Variants in SUGT1 observed in about 807,000 individuals in gnomAD.
The protein encoded by SUGT1 is protein SGT1 homolog.
Under a neutral mutation model 56.1 loss-of-function variants are expected in SUGT1, and 15 were observed. That is an observed-to-expected ratio of 0.27 (90% CI 0.18 to 0.41). The LOEUF (loss-of-function observed/expected upper bound fraction) is 0.41. SUGT1 is among the 10% of genes least tolerant of loss of function. The pLI, the probability that SUGT1 is intolerant of heterozygous loss-of-function variation, is 1.00. For missense variants in SUGT1, 347 were observed against 382.2 expected, an observed-to-expected ratio of 0.91 and a Z score of 0.77; for synonymous variants, 123 against 128.6, an observed-to-expected ratio of 0.96 and a Z score of 0.30.
rs527986344 is a variant in SUGT1, at chr13:52,674,200, T to C, written c.628-2030T>C. ...CCGAGTAGCTGAGACTACAGTCACA[T>C]GCCACTATGCCTGGCTATTTTTTGT... On this transcript the variant is annotated intron_variant, in intron 10 of 12. Transcript: ENST00000310528. Among the ~76,000 whole-genome samples the C allele has an allele frequency of 2.6e-5, 4 of 152,064 alleles. No homozygotes were observed. In the South Asian group the frequency reaches 8.3e-4, roughly 32 times the overall value.
chr13:52,682,357 C>T (rs1425595761), intron 12 of SUGT1, among the ~76,000 whole-genome samples: 1 of 127,104 alleles, frequency 7.9e-6, no homozygotes, highest in East Asian at 2.4e-4. Flanking sequence ...TGCTGCCATG[C>T]CTGGCTAATT....
intron 8 of SUGT1, 27 bp downstream of exon 8, chr13:52,664,084 T>C (rs1962577129): frequency 9.3e-6 from 15 of 1,607,554 alleles, no homozygotes; most frequent in Admixed American, 1.7e-5. Context: ...CATAAAACAA[T>C]GCATGATAAA....
intron 4 of SUGT1, 103 bp downstream of exon 4, chr13:52,658,571 A>G (rs1962273651): frequency 9.4e-7 from 1 of 1,061,476 alleles, no homozygotes; most frequent in Non-Finnish European, 1.3e-6. Flanking sequence ...AAAATTCTGT[A>G]TTTATACATT....
At chr13:52,682,675 G>C (rs866638407) in intron 12 of SUGT1, among the ~76,000 whole-genome samples, 5 of 152,254 alleles carry the variant, frequency 3.3e-5, no homozygotes, top group African/African-American at 9.6e-5. Flanking sequence ...ATTTGTGTGA[G>C]TCTATTTCTA....
chr13:52,685,618 A>G (rs1380126501), intron 12 of SUGT1, among the ~76,000 whole-genome samples: 1 of 152,192 alleles, frequency 6.6e-6, no homozygotes, highest in African/African-American at 2.4e-5. Context: ...TCATTTTCAT[A>G]TAGAAACTTT....
At chr13:52,669,878 T>C (rs945566552) in intron 10 of SUGT1, among the ~76,000 whole-genome samples, 6 of 152,222 alleles carry the variant, frequency 3.9e-5, no homozygotes, top group Admixed American at 3.3e-4. Context: ...ATTAAAATAC[T>C]GAAAATAAAA....
At chr13:52,685,593 A>G (rs562535325) in intron 12 of SUGT1, among the ~76,000 whole-genome samples, 6 of 152,338 alleles carry the variant, frequency 3.9e-5, no homozygotes, top group Non-Finnish European at 5.9e-5. Context: ...CAAAGATCAA[A>G]GATAGAATCT....
At chr13:52,664,708 A>G (rs9526966) in intron 8 of SUGT1, among the ~76,000 whole-genome samples, 5,451 of 152,252 alleles carry the variant, frequency 0.036, 128 homozygotes, top group South Asian at 0.064. Context: ...CCATCTATTC[A>G]TGGTAGTTGT....
chr13:52,690,221 T>TAAAC lies in SUGT1; in HGVS notation c.*2389_*2390insCAAA, dbSNP rs1306509740. 2.0e-5 allele frequency: 3 copies of TAAAC among 152,228 alleles called. No individual in the cohort carries two copies. The highest frequency in any genetic ancestry group is 7.2e-5 in the African/African-American group (3 of 41,466). 9.4% of individuals were successfully genotyped at this position (152,228 alleles called of 1,614,324 possible). On this transcript the variant is annotated 3_prime_UTR_variant, in exon 13 of 13. Transcript: ENST00000310528. ...AGATTGCTGCCTAAGAATCCCACTC[T>TAAAC]AAAGTACTGCTTTGTTTAATCATTC...
chr13:52,659,226 T>C lies in SUGT1; in HGVS notation c.305T>C (p.Phe102Ser). 2 of 1,485,618 alleles carry C rather than the reference T, an allele frequency of 1.3e-6. No individual in the cohort carries two copies. Among genetic ancestry groups the C allele is most frequent in the Non-Finnish European group, 1.8e-6 (2 of 1,124,558 alleles). The allele number at this position is 1,485,618 out of a possible 1,614,324, so 92.0% of individuals were successfully genotyped here. Residue 102 changes from phenylalanine to serine, a missense_variant, in exon 5 of 13, where the codon TTT becomes TCT. Transcript: ENST00000310528. ...EKNYAAALETFTEGQKLDSAD... is the reference protein window; with the variant it reads ...EKNYAAALETSTEGQKLDSAD... ...AACTATGCTGCTGCCCTAGAAACTT[T>C]TACAGAAGGACAAAAATTAGATAGT...
chr13:52,668,807 G>A (rs1962818670), intron 10 of SUGT1, among the ~76,000 whole-genome samples: 3 of 150,542 alleles, frequency 2.0e-5, no homozygotes, highest in Admixed American at 6.6e-5. Flanking sequence ...CTCCAGCCTG[G>A]GCAACAGAGT....
At chr13:52,653,597 A>T (rs987581815) in intron 2 of SUGT1, among the ~76,000 whole-genome samples, 1 of 151,616 alleles carries the variant, frequency 6.6e-6, no homozygotes, top group East Asian at 1.9e-4. Flanking sequence ...ATTCATCAAA[A>T]TTTTTTTTTG....
At chr13:52,661,589 G>A (rs911664973) in intron 5 of SUGT1, 8 of 414,510 alleles carry the variant, frequency 1.9e-5, no homozygotes, top group African/African-American at 1.3e-4. Context: ...CACCATGCCC[G>A]GCCAAAATCT....
chr13:52,652,881 A>G lies in SUGT1; in HGVS notation c.-40A>G, dbSNP rs1188938072. The G allele has an allele frequency of 1.2e-6, 2 of 1,605,894 alleles. No homozygotes were observed. The highest frequency in any genetic ancestry group is 1.7e-6 in the Non-Finnish European group (2 of 1,175,706). On this transcript the variant is annotated 5_prime_UTR_variant, in exon 1 of 13. Coordinates refer to ENST00000310528, the MANE Select transcript of SUGT1 (RefSeq NM_006704.5). ...GGCGGTGGTGGAGGTGGTAACCGTG[A>G]TAGTAGCAGCTCCGGCGGCAGCAAC...
rs1482362947 is a variant in SUGT1 at position 52,688,724 on chromosome 13, G to C, written c.*889G>C. ...ATGTTTAGTATTTACTCTGTGCCTA[G>C]AATATATAGATATCATGAGAATACA... is the stretch of plus-strand genomic sequence containing the variant. On this transcript the variant is annotated 3_prime_UTR_variant, in exon 13 of 13. Coordinates refer to ENST00000310528, the MANE Select transcript of SUGT1 (RefSeq NM_006704.5). The C allele has an allele frequency of 6.6e-6, 1 of 151,866 alleles. No individual in the cohort carries two copies. The highest frequency in any genetic ancestry group is 1.9e-4 in the East Asian group (1 of 5,188). The allele number at this position is 151,866 out of a possible 1,614,324, so 9.4% of individuals were successfully genotyped here. A position where few individuals can be genotyped will look rare whatever the true frequency, so the allele number is the denominator to read the frequency against.
At chr13:52,658,140 T>C in intron 3 of SUGT1, 1 of 1,385,256 alleles carries the variant, frequency 7.2e-7, no homozygotes, top group Non-Finnish European at 9.4e-7. Flanking sequence ...TAGAAAATGT[T>C]AATGAGACAA....
rs2138196513 is a variant in SUGT1 at position 52,695,742 on chromosome 13, GT to G, written c.*7908del. 6.6e-6 allele frequency: 1 copy of G among 152,260 alleles called. No individual in the cohort carries two copies. The highest frequency in any genetic ancestry group is 1.9e-4 in the East Asian group (1 of 5,186). 9.4% of individuals were successfully genotyped at this position (152,260 alleles called of 1,614,324 possible). A position where few individuals can be genotyped will look rare whatever the true frequency, so the allele number is the denominator to read the frequency against. On this transcript the variant is annotated 3_prime_UTR_variant, in exon 13 of 13. Transcript: ENST00000310528. ...GACACACAAGAATCTTCTAGTCATG[GT>G]CAAACTTTTTCTGCAAAGGGCACTT...
rs774178180 is a variant in SUGT1, at chr13:52,652,948, A to G, written c.28A>G (p.Thr10Ala). 43 of 1,614,124 alleles carry G rather than the reference A, an allele frequency of 2.7e-5. No homozygotes were observed. In the East Asian group the frequency reaches 8.2e-4, roughly 31 times the overall value. The change falls in exon 1 of 13, where the codon ACA (threonine) becomes GCA (alanine). Residue 10 changes from threonine (T) to alanine (A), a missense_variant. Physicochemically the swap from Thr to Ala is moderately conservative, Grantham distance 58. Transcript: ENST00000310528. ...GGCGGCGGCTGCAGCAGGAACTGCA[A>G]CATCCCAGAGGTGCATGTTTTTCTT... MAAAAAGTATSQRFFQSFSD... is the reference protein window; with the variant it reads MAAAAAGTAASQRFFQSFSD...
At chr13:52,668,314 A>G (rs540364303) in intron 10 of SUGT1, among the ~76,000 whole-genome samples, 1 of 152,222 alleles carries the variant, frequency 6.6e-6, no homozygotes, top group South Asian at 2.1e-4. Context: ...GTCCTGCAGC[A>G]TACTGTGTTA....
Sources: allele counts gnomAD v4.1 joint callset (sites outside exome capture counted in the v4.1 genomes callset), GRCh38; gene constraint gnomAD v4.1.1; transcripts MANE v1.5; gene names NCBI Gene and HGNC (gene_info 2026-07-23, HGNC 2026-07-21).